The following VSNL1 variants were observed in gnomAD, a reference collection of about 807,000 sequenced individuals.
VSNL1 encodes visinin like 1.
Under a neutral mutation model 20.4 loss-of-function variants are expected in VSNL1, and 6 were observed. The ratio of observed to expected loss-of-function variants is 0.29; its 90% CI spans 0.16 to 0.58. VSNL1 has a LOEUF of 0.58. VSNL1 is among the 20% of genes least tolerant of loss of function. The pLI is 0.90. For missense variants in VSNL1, 100 were observed against 234.5 expected, an observed-to-expected ratio of 0.43 and a Z score of 3.75; for synonymous variants, 93 against 86.4, an observed-to-expected ratio of 1.08 and a Z score of -0.42.
chr2:17,580,191 A>G (rs1664319554), intron 1 of VSNL1, among the ~76,000 whole-genome samples: 1 of 152,184 alleles, frequency 6.6e-6, no homozygotes, highest in Admixed American at 6.5e-5. Flanking sequence ...GAAAATTCAG[A>G]GCTTCCATAG....
At chr2:17,635,939 C>G (rs868274266) in intron 2 of VSNL1, among the ~76,000 whole-genome samples, 1 of 151,814 alleles carries the variant, frequency 6.6e-6, no homozygotes, top group Non-Finnish European at 1.5e-5. Context: ...GTCACTGTGG[C>G]TCTGTAGCCC....
At chr2:17,601,827 C>G (rs772231877) in intron 2 of VSNL1, among the ~76,000 whole-genome samples, 1 of 151,016 alleles carries the variant, frequency 6.6e-6, no homozygotes, top group Non-Finnish European at 1.5e-5. Flanking sequence ...CCCAGCTACT[C>G]GGGAGGCTGA....
rs113720325 is a variant in VSNL1, at chr2:17,583,330, T to C, written c.-5-8740T>C. Among the ~76,000 whole-genome samples, 1,113 of 152,330 alleles carry C rather than the reference T, an allele frequency of 7.3e-3. 12 individuals carry two copies. Among genetic ancestry groups the C allele is most frequent in the Non-Finnish European group, 0.012 (800 of 68,024 alleles). ...TTCTCTCTCGGCAGCTCCCTGCTGTTCTCAGATAAGGGCCACAGTCCCTCC... is the reference window on the plus strand; with the variant it reads ...TTCTCTCTCGGCAGCTCCCTGCTGTCCTCAGATAAGGGCCACAGTCCCTCC... On this transcript the variant is annotated intron_variant, in intron 1 of 3. Transcript: ENST00000295156.
intron 1 of VSNL1, among the ~76,000 whole-genome samples, chr2:17,554,106 A>G (rs1159831889): frequency 6.6e-6 from 1 of 152,214 alleles, no homozygotes; most frequent in Admixed American, 6.5e-5. Context: ...CAATGACAGT[A>G]TACTGCTTAT....
chr2:17,616,581 C>T (rs1665222457), intron 2 of VSNL1, among the ~76,000 whole-genome samples: 1 of 152,230 alleles, frequency 6.6e-6, no homozygotes, highest in Non-Finnish European at 1.5e-5. Flanking sequence ...GCTTCCTAAA[C>T]AGCCAAGCTT....
Position 17,568,123 on chromosome 2 carries a change from C to G in VSNL1, c.-5-23947C>G, listed in dbSNP as rs967101708. Among the ~76,000 whole-genome samples, 8 of 151,166 alleles carry G rather than the reference C, an allele frequency of 5.3e-5. No homozygotes were observed. In the South Asian group the frequency reaches 1.7e-3, roughly 32 times the overall value. On this transcript the variant is annotated intron_variant, in intron 1 of 3. Transcript: ENST00000295156. ...ATATATGCTAGGCTTATTTTTTGGC[C>G]TCTCCCCTCATTTTCTGTTTTCTAT...
chr2:17,655,114 C>T lies in VSNL1; in HGVS notation c.379-83C>T, dbSNP rs1025189848. ...TGAGGCTTGGAGGATGGGTGGGATC[C>T]CGTCAGGTGAAAGGGAGGCAAGAAG... On this transcript the variant is annotated intron_variant, in intron 3 of 3. Coordinates refer to ENST00000295156, the MANE Select transcript of VSNL1 (RefSeq NM_003385.5). This position sits in a 1 kb window ranked among gnomAD's most constrained non-coding sequence, Gnocchi z 5.2. The T allele has an allele frequency of 2.8e-6, 4 of 1,404,942 alleles. No individual in the cohort carries two copies. In the African/African-American group the frequency reaches 5.7e-5, roughly 20 times the overall value. The allele number at this position is 1,404,942 out of a possible 1,614,324, so 87.0% of individuals were successfully genotyped here.
At chr2:17,569,199 C>T (rs1026531697) in intron 1 of VSNL1, among the ~76,000 whole-genome samples, 30 of 151,844 alleles carry the variant, frequency 2.0e-4, no homozygotes, top group African/African-American at 5.6e-4. Flanking sequence ...CCCAGCTACT[C>T]GGGTGGCTGA....
At position 17,655,329 on chromosome 2, in the gene VSNL1, T is replaced by C. The variant is rs552532644; in HGVS notation, c.511T>C (p.Phe171Leu). 6.2e-7 allele frequency: 1 copy of C among 1,614,138 alleles called. No individual in the cohort carries two copies. Among genetic ancestry groups the C allele is most frequent in the African/African-American group, 1.3e-5 (1 of 75,038 alleles). The change falls in exon 4 of 4, where the codon TTC becomes CTC. Residue 171 changes from phenylalanine (F) to leucine (L), a missense_variant. Coordinates refer to ENST00000295156, the MANE Select transcript of VSNL1 (RefSeq NM_003385.5). This position sits in a 1 kb window ranked among gnomAD's most constrained non-coding sequence, Gnocchi z 5.2. The part of the protein sequence containing the change: ...NKDDQITLDE[F>L]KEAAKSDPSI... ...AGATGACCAGATTACACTGGATGAA[T>C]TCAAAGAAGCTGCAAAGAGCGACCC...
chr2:17,635,673 G>A (rs964540030), intron 2 of VSNL1, among the ~76,000 whole-genome samples: 3 of 152,162 alleles, frequency 2.0e-5, no homozygotes, highest in African/African-American at 4.8e-5. Flanking sequence ...CCACCTCAGA[G>A]GACTGTTGTG....
intron 1 of VSNL1, among the ~76,000 whole-genome samples, chr2:17,588,902 C>T (rs1291006143): frequency 6.6e-6 from 1 of 152,084 alleles, no homozygotes; most frequent in East Asian, 1.9e-4. Flanking sequence ...TTCATGTCCT[C>T]AAGAAATATT....
At chr2:17,543,455 C>T (rs921532760) in intron 1 of VSNL1, among the ~76,000 whole-genome samples, 2 of 152,186 alleles carry the variant, frequency 1.3e-5, no homozygotes, top group South Asian at 2.1e-4. Context: ...ATTAGGACTT[C>T]GTGGAGTGAG....
At chr2:17,561,967 G>T (rs1011482883) in intron 1 of VSNL1, among the ~76,000 whole-genome samples, 1 of 152,148 alleles carries the variant, frequency 6.6e-6, no homozygotes, top group African/African-American at 2.4e-5. Flanking sequence ...GAATAAAAAT[G>T]TGACTCACAT....
At chr2:17,573,453 CAA>C (rs202125209) in intron 1 of VSNL1, among the ~76,000 whole-genome samples, 4 of 118,746 alleles carry the variant, frequency 3.4e-5, no homozygotes, top group African/African-American at 3.1e-5. Flanking sequence ...TTAGTTTTTG[CAA>C]AAAAAAAAAA....
chr2:17,607,236 G>T (rs184709866), intron 2 of VSNL1, among the ~76,000 whole-genome samples: 1 of 152,246 alleles, frequency 6.6e-6, no homozygotes, highest in East Asian at 1.9e-4. Context: ...AGTTGATCTG[G>T]GCCAGTTACA....
At chr2:17,622,576 GAAAGAAAGAAAGAAAGAAAGAAAGAAAA>G (rs1558303668) in intron 2 of VSNL1, among the ~76,000 whole-genome samples, 29 of 123,882 alleles carry the variant, frequency 2.3e-4, no homozygotes, top group Admixed American at 1.9e-3. Context: ...AAGAAAGAAA[GAAAGAAAGAAAGAAAGAAAGAAAGAAAA>G]GAAAGAAAGA....
chr2:17,557,910 T>C (rs1172738375), intron 1 of VSNL1, among the ~76,000 whole-genome samples: 1 of 151,842 alleles, frequency 6.6e-6, no homozygotes, highest in African/African-American at 2.4e-5. Flanking sequence ...TGTAGATGTA[T>C]AGGTCATTAG....
intron 1 of VSNL1, among the ~76,000 whole-genome samples, chr2:17,585,852 C>A (rs1430411074): frequency 2.0e-5 from 3 of 149,936 alleles, no homozygotes; most frequent in Admixed American, 6.6e-5. Flanking sequence ...GTCACCCAGG[C>A]TGGAGTACAA....
chr2:17,566,242 T>C (rs555779195), intron 1 of VSNL1, among the ~76,000 whole-genome samples: 2 of 152,318 alleles, frequency 1.3e-5, no homozygotes, highest in African/African-American at 4.8e-5. Flanking sequence ...TGGCTTCTTG[T>C]ATATATATGT....
Sources: allele counts gnomAD v4.1 joint callset (sites outside exome capture counted in the v4.1 genomes callset), GRCh38; gene constraint gnomAD v4.1.1; non-coding constraint Gnocchi (gnomAD v3.1); transcripts MANE v1.5; gene names NCBI Gene and HGNC (gene_info 2026-07-23, HGNC 2026-07-21).